CHRM3: variants seen among roughly 807,000 people sequenced by gnomAD.
CHRM3 encodes the protein muscarinic acetylcholine receptor M3.
CHRM3 carries 11 observed loss-of-function variants against 41.8 expected under a neutral mutation model. The ratio of observed to expected loss-of-function variants is 0.26; its 90% CI spans 0.17 to 0.44. The LOEUF is 0.44. Ranked by LOEUF, CHRM3 falls within the 20% of genes least tolerant of loss-of-function variation. CHRM3 has a pLI of 1.00. For synonymous variants in CHRM3, 297 were observed against 301.4 expected, an observed-to-expected ratio of 0.99 and a Z score of 0.15; for missense variants, 571 against 745.4, an observed-to-expected ratio of 0.77 and a Z score of 2.72.
chr1:239,853,767 T>C (rs1017764750), intron 6 of CHRM3, among the ~76,000 whole-genome samples: 27 of 152,180 alleles, frequency 1.8e-4, no homozygotes, highest in African/African-American at 6.3e-4. Flanking sequence ...ATTTCTCAAA[T>C]TAGATTAAGT....
chr1:239,398,613 C>T lies in CHRM3; in HGVS notation c.-521+11386C>T, dbSNP rs184852620. On this transcript the variant is annotated intron_variant, in intron 1 of 6. Coordinates refer to ENST00000676153, the MANE Select transcript of CHRM3 (RefSeq NM_001375978.1). ...CATTGGTATAGTTAATATGTCTCCT[C>T]CCATATGGATTGTGTGTTTCCTGTA... Among the ~76,000 whole-genome samples, 167 of 152,238 alleles carry T rather than the reference C, an allele frequency of 1.1e-3. 1 individual carries two copies. The highest frequency in any genetic ancestry group is 2.1e-3 in the Non-Finnish European group (140 of 68,020).
chr1:239,860,037 C>T (rs903155658), intron 6 of CHRM3, among the ~76,000 whole-genome samples: 5 of 151,970 alleles, frequency 3.3e-5, no homozygotes, highest in African/African-American at 4.8e-5. Context: ...ACCCGACAGT[C>T]GGCTGGTTGA....
At chr1:239,655,652 A>T (rs1573153772) in intron 4 of CHRM3, among the ~76,000 whole-genome samples, 1 of 152,076 alleles carries the variant, frequency 6.6e-6, no homozygotes, top group Admixed American at 6.6e-5. Context: ...TTTCCCTAAG[A>T]CCTTACTGTC....
chr1:239,870,317 C>T (rs1007675518), intron 6 of CHRM3, among the ~76,000 whole-genome samples: 1 of 152,150 alleles, frequency 6.6e-6, no homozygotes, highest in Non-Finnish European at 1.5e-5. Flanking sequence ...TAACAGTTGT[C>T]CAGATAAGTA....
intron 3 of CHRM3, among the ~76,000 whole-genome samples, chr1:239,620,847 T>C (rs1668281716): frequency 2.0e-5 from 3 of 152,102 alleles, no homozygotes; most frequent in African/African-American, 4.8e-5. Flanking sequence ...GAGAAATATA[T>C]AGTACTGTTT....
intron 5 of CHRM3, among the ~76,000 whole-genome samples, chr1:239,824,041 G>T (rs865858036): frequency 2.6e-5 from 4 of 152,188 alleles, no homozygotes; most frequent in South Asian, 2.1e-4. Context: ...TCGGGAGCAT[G>T]TGCGTGACCA....
At chr1:239,478,291 G>A (rs1666597984) in intron 1 of CHRM3, among the ~76,000 whole-genome samples, 1 of 152,136 alleles carries the variant, frequency 6.6e-6, no homozygotes, top group African/African-American at 2.4e-5. Flanking sequence ...AAGAAGGAGT[G>A]TACTCATTTC....
intron 5 of CHRM3, among the ~76,000 whole-genome samples, chr1:239,767,382 TC>T (rs1187766357): frequency 6.6e-6 from 1 of 152,156 alleles, no homozygotes; most frequent in Admixed American, 6.6e-5. Context: ...GGGATGCAAT[TC>T]AAAGACAAAC....
chr1:239,412,165 G>A (rs1315177043), intron 1 of CHRM3, among the ~76,000 whole-genome samples: 4 of 147,018 alleles, frequency 2.7e-5, no homozygotes, highest in Admixed American at 1.4e-4. Flanking sequence ...TTATTTTTTG[G>A]TTTTATTGAA....
In CHRM3 at chr1:239,911,905, G is replaced by C. The variant is rs1055883498; in HGVS notation, c.*2681G>C. 3.0e-5 allele frequency: 5 copies of C among 167,002 alleles called. No homozygotes were observed. Among genetic ancestry groups the C allele is most frequent in the Non-Finnish European group, 7.3e-5 (5 of 68,108 alleles). 10.3% of individuals were successfully genotyped at this position (167,002 alleles called of 1,614,324 possible). On this transcript the variant is annotated 3_prime_UTR_variant, in exon 7 of 7. Transcript: ENST00000676153. ...ATTTAAAAGCATAATTGAAGATGTA[G>C]TGAGTATTTATAATTGGACCTTAGT...
intron 6 of CHRM3, among the ~76,000 whole-genome samples, chr1:239,850,822 G>A (rs1417699011): frequency 6.6e-6 from 1 of 152,146 alleles, no homozygotes; most frequent in African/African-American, 2.4e-5. Context: ...CTTCCGCCAT[G>A]ACTGTAAGTT....
chr1:239,881,837 C>T (rs1335394667), intron 6 of CHRM3, among the ~76,000 whole-genome samples: 1 of 152,078 alleles, frequency 6.6e-6, no homozygotes, highest in Non-Finnish European at 1.5e-5. Context: ...AACATAAGCA[C>T]TGAGGTATTT....
chr1:239,772,289 C>G, intron 5 of CHRM3, among the ~76,000 whole-genome samples: 1 of 151,960 alleles, frequency 6.6e-6, no homozygotes, highest in East Asian at 1.9e-4. Flanking sequence ...TAGCTAGGAT[C>G]ACAGGCATGC....
chr1:239,638,595 C>CT (rs1670747335), intron 4 of CHRM3, among the ~76,000 whole-genome samples: 1 of 152,152 alleles, frequency 6.6e-6, no homozygotes, highest in Non-Finnish European at 1.5e-5. Flanking sequence ...CCTTCGCCCA[C>CT]TTTTTGATGG....
At chr1:239,610,190 CAAAAAAA>C (rs35512941) in intron 3 of CHRM3, among the ~76,000 whole-genome samples, 1 of 77,898 alleles carries the variant, frequency 1.3e-5, no homozygotes, top group African/African-American at 4.7e-5. Context: ...AAGACTCTGT[CAAAAAAA>C]AAAAAAAAAA....
intron 2 of CHRM3, among the ~76,000 whole-genome samples, chr1:239,513,192 G>A (rs1380395295): frequency 6.6e-6 from 1 of 152,118 alleles, no homozygotes; most frequent in East Asian, 1.9e-4. Flanking sequence ...AGCAATAAGG[G>A]CACACTATTA....
At chr1:239,742,554 G>A (rs747415762) in intron 5 of CHRM3, among the ~76,000 whole-genome samples, 11 of 152,132 alleles carry the variant, frequency 7.2e-5, no homozygotes, top group Non-Finnish European at 1.5e-4. Context: ...GCAGTCCTCT[G>A]AAGTCACAAA....
intron 1 of CHRM3, among the ~76,000 whole-genome samples, chr1:239,446,214 C>T (rs993569180): frequency 3.3e-5 from 5 of 152,092 alleles, no homozygotes; most frequent in South Asian, 2.1e-4. Flanking sequence ...CAATTACAGG[C>T]GTGAGCCACC....
intron 2 of CHRM3, among the ~76,000 whole-genome samples, chr1:239,527,089 G>A (rs1670044469): frequency 6.6e-6 from 1 of 152,066 alleles, no homozygotes; most frequent in South Asian, 2.1e-4. Flanking sequence ...CACGCCACTG[G>A]ATTCCAGCCT....
Sources: gnomAD v4.1 joint callset for allele counts (sites outside exome capture counted in the v4.1 genomes callset) on GRCh38, gnomAD v4.1.1 for gene constraint, MANE v1.5 for transcripts, NCBI Gene and HGNC (gene_info 2026-07-23, HGNC 2026-07-21) for gene names.